Variants in VPS13B observed in about 807,000 individuals in gnomAD.
The protein encoded by VPS13B is intermembrane lipid transfer protein VPS13B.
VPS13B carries 285 observed loss-of-function variants against 426.4 expected under a neutral mutation model. That is an observed-to-expected ratio of 0.67 (90% CI 0.61 to 0.74). The LOEUF (loss-of-function observed/expected upper bound fraction) is 0.74, where lower values mean the gene tolerates loss of function less well. Ranked by LOEUF, VPS13B falls within the 30% of genes least tolerant of loss-of-function variation. The pLI, the probability that VPS13B is intolerant of heterozygous loss-of-function variation, is 0.00. For missense variants in VPS13B, 4,537 were observed against 4,782.6 expected (o/e 0.95, Z 1.51); for synonymous variants, 1,676 against 1,676.4 (o/e 1.00, Z 0.01).
chr8:99,069,847 C>T (rs1844764807), intron 3 of VPS13B, among the ~76,000 whole-genome samples: 1 of 152,182 alleles, frequency 6.6e-6, no homozygotes, highest in African/African-American at 2.4e-5. Context: ...AATTCTCTTG[C>T]TCCTTTTTCC....
chr8:99,535,085 G>A (rs553670460), intron 30 of VPS13B, among the ~76,000 whole-genome samples: 9 of 152,006 alleles, frequency 5.9e-5, no homozygotes, highest in Non-Finnish European at 1.3e-4. Flanking sequence ...CAAAATAGAA[G>A]CTAACTAAAA....
intron 17 of VPS13B, among the ~76,000 whole-genome samples, chr8:99,231,155 A>G (rs188525320): frequency 7.9e-5 from 12 of 152,366 alleles, no homozygotes; most frequent in Non-Finnish European, 7.4e-5. Context: ...GTAAAATACT[A>G]TAATTGTCAA....
intron 17 of VPS13B, among the ~76,000 whole-genome samples, chr8:99,223,140 C>T (rs749978420): frequency 1.2e-4 from 19 of 152,014 alleles, no homozygotes; most frequent in East Asian, 7.7e-4. Context: ...ATATAGGAGA[C>T]GATTTTAATT....
chr8:99,828,394 G>GTTTTT (rs555108452), intron 51 of VPS13B, among the ~76,000 whole-genome samples: 457 of 17,414 alleles, frequency 0.026, 39 homozygotes, highest in Admixed American at 0.031. Flanking sequence ...TACAACCACC[G>GTTTTT]TTTTTTTTTT....
Position 99,697,491 on chromosome 8 carries a change from A to T in VPS13B, c.6047-2034A>T. 4.1e-6 allele frequency: 3 copies of T among 740,118 alleles called. 1 individual carries two copies. In the South Asian group the frequency reaches 4.4e-5, roughly 11 times the overall value. The allele number at this position is 740,118 out of a possible 1,614,324, so 45.8% of individuals were successfully genotyped here. On this transcript the variant is annotated intron_variant, in intron 35 of 61. Coordinates refer to ENST00000357162, the MANE Select transcript of VPS13B (RefSeq NM_152564.5). ...AGCGATGCCTGCTCTAAGCTGAAGG[A>T]GCAGAAGTCGCTCACCAAAGAGAAG... is the stretch of plus-strand genomic sequence containing the variant.
At position 99,566,648 on chromosome 8, in the gene VPS13B, G is replaced by C. The variant is rs145033390; in HGVS notation, c.4950-9010G>C. On this transcript the variant is annotated intron_variant, in intron 31 of 61. Coordinates refer to ENST00000357162, the MANE Select transcript of VPS13B (RefSeq NM_152564.5). ...AGTAGAGACGGGGTTCCACCATGTT[G>C]GCCAGGCTGGTCTTGAACTCCTGAC... Among the ~76,000 whole-genome samples, 1,456 of 152,202 alleles carry C rather than the reference G, an allele frequency of 9.6e-3. 14 individuals are homozygous for C. The highest frequency in any genetic ancestry group is 0.013 in the Non-Finnish European group (873 of 68,002).
At chr8:99,658,601 T>C (rs1830105134) in intron 34 of VPS13B, among the ~76,000 whole-genome samples, 1 of 152,190 alleles carries the variant, frequency 6.6e-6, no homozygotes, top group African/African-American at 2.4e-5. Context: ...CTATGATAAT[T>C]CTCCAGTATG....
intron 19 of VPS13B, among the ~76,000 whole-genome samples, chr8:99,379,884 A>C (rs11992389): frequency 0.016 from 2,500 of 152,264 alleles, 67 homozygotes; most frequent in African/African-American, 0.057. Context: ...TTTTAATTTT[A>C]TTTATCTACG....
chr8:99,868,171 CTTT>C, intron 58 of VPS13B, 115 bp from the exon 59 acceptor site: 2 of 1,299,178 alleles, frequency 1.5e-6, no homozygotes, highest in Non-Finnish European at 2.2e-6. Context: ...TAGTAAAGAC[CTTT>C]ATAATGAGGG....
chr8:99,699,131 C>CTT lies in VPS13B; in HGVS notation c.6047-371_6047-370dup, dbSNP rs370004663. Among the ~76,000 whole-genome samples the CTT allele has an allele frequency of 8.7e-3, 786 of 90,504 alleles. 16 individuals are homozygous for CTT. Among genetic ancestry groups the CTT allele is most frequent in the East Asian group, 0.016 (45 of 2,798 alleles). The allele number at this position is 90,504 out of a possible 152,430, so 59.4% of individuals were successfully genotyped here. A position where few individuals can be genotyped will look rare whatever the true frequency, so the allele number is the denominator to read the frequency against. ...CATGGTTCTGGGTAGTAAGGAAAGT[C>CTT]TTTTTTTTTTTTTTTTTTTTTTTTG... On this transcript the variant is annotated intron_variant, in intron 35 of 61. Coordinates refer to ENST00000357162, the MANE Select transcript of VPS13B (RefSeq NM_152564.5).
intron 19 of VPS13B, among the ~76,000 whole-genome samples, chr8:99,357,976 G>A (rs1357894168): frequency 6.7e-6 from 1 of 150,356 alleles, no homozygotes; most frequent in Non-Finnish European, 1.5e-5. Flanking sequence ...GGTAAAATGG[G>A]GATGGTTTAT....
intron 10 of VPS13B, among the ~76,000 whole-genome samples, chr8:99,135,364 T>G (rs1459527536): frequency 6.6e-6 from 1 of 152,108 alleles, no homozygotes; most frequent in Non-Finnish European, 1.5e-5. Context: ...TACTTTCTTA[T>G]TCATGAATCT....
At chr8:99,707,007 A>G (rs965784087) in intron 36 of VPS13B, among the ~76,000 whole-genome samples, 1 of 152,148 alleles carries the variant, frequency 6.6e-6, no homozygotes, top group East Asian at 1.9e-4. Flanking sequence ...AACTGACAAC[A>G]TCTTAGATGT....
rs1008963773 is a variant in VPS13B at position 99,724,699 on chromosome 8, C to G, written c.7050+3652C>G. ...TCTTAATAAGGGCTTGTTTCCTCCC[C>G]TCCGCTTTTTCTTATCACACAAATG... On this transcript the variant is annotated intron_variant, in intron 39 of 61. Transcript: ENST00000357162. Among the ~76,000 whole-genome samples the G allele has an allele frequency of 4.6e-5, 7 of 152,260 alleles. No individual in the cohort carries two copies. In the South Asian group the frequency reaches 6.2e-4, roughly 14 times the overall value.
At chr8:99,390,839 T>C (rs1453901703) in intron 20 of VPS13B, among the ~76,000 whole-genome samples, 1 of 152,220 alleles carries the variant, frequency 6.6e-6, no homozygotes, top group Non-Finnish European at 1.5e-5. Flanking sequence ...CAAAATTGTA[T>C]TGGGCATCAT....
chr8:99,835,165 C>T, intron 52 of VPS13B, 32 bp from the exon 53 acceptor site: 1 of 1,613,302 alleles, frequency 6.2e-7, no homozygotes, highest in Non-Finnish European at 8.5e-7. Flanking sequence ...TTTTCCTAAA[C>T]ATTTCTGTCA....
intron 25 of VPS13B, among the ~76,000 whole-genome samples, chr8:99,482,589 G>T (rs1820101793): frequency 6.6e-6 from 1 of 152,140 alleles, no homozygotes; most frequent in Non-Finnish European, 1.5e-5. Flanking sequence ...AGTACCACAA[G>T]TGGTATTGCT....
chr8:99,471,614 A>G (rs948763976), intron 24 of VPS13B, among the ~76,000 whole-genome samples: 4 of 152,190 alleles, frequency 2.6e-5, no homozygotes, highest in Non-Finnish European at 4.4e-5. Context: ...CAAAGGAACA[A>G]AAAATGGAGG....
chr8:99,665,488 T>G (rs1414245487), intron 35 of VPS13B, among the ~76,000 whole-genome samples: 3 of 152,238 alleles, frequency 2.0e-5, no homozygotes, highest in Admixed American at 1.3e-4. Context: ...CTTGAATTAA[T>G]TTTTGTATAA....
Sources: allele counts gnomAD v4.1 joint callset (sites outside exome capture counted in the v4.1 genomes callset), GRCh38; gene constraint gnomAD v4.1.1; transcripts MANE v1.5; gene names NCBI Gene and HGNC (gene_info 2026-07-23, HGNC 2026-07-21).